Variants in VWDE observed in about 807,000 individuals in gnomAD.
The protein encoded by VWDE is von Willebrand factor D and EGF domain-containing protein.
A neutral mutation model predicts 178.4 loss-of-function variants in VWDE; 207 were observed. The ratio of observed to expected loss-of-function variants is 1.16; its 90% CI spans 1.04 to 1.30. The LOEUF (loss-of-function observed/expected upper bound fraction) is 1.30, where lower values mean the gene tolerates loss of function less well. Among genes scored for constraint, VWDE ranks in the 50% most tolerant of loss-of-function variants. The probability of loss-of-function intolerance (pLI) is 0.00; values close to 1 mark genes in which losing one functional copy is unlikely to be tolerated. For synonymous variants in VWDE, 738 were observed against 651.4 expected, an observed-to-expected ratio of 1.13 and a Z score of -2.02; for missense variants, 2,287 against 1,901.3, an observed-to-expected ratio of 1.20 and a Z score of -3.77.
In VWDE at chr7:12,337,081, T is replaced by C. The variant is rs1409246803; in HGVS notation, c.4465A>G (p.Ile1489Val). ...CCATTCATGCACGTAGGATCACAGA[T>C]GCCTTAAGGTAAAAGCATGAAAAGT... ...GYTGRRFQKS[I>V]CDPTCMNGGK... The change falls in exon 26 of 29, where the codon ATC (isoleucine) becomes GTC (valine). Residue 1489 changes from isoleucine (I) to valine (V), a missense_variant and splice_region_variant. By Grantham distance (29) the Ile-to-Val change is conservative. Coordinates refer to ENST00000275358, the MANE Select transcript of VWDE (RefSeq NM_001135924.3). 1.9e-6 allele frequency: 3 copies of C among 1,551,612 alleles called. No individual in the cohort carries two copies. The highest frequency in any genetic ancestry group is 2.6e-6 in the Non-Finnish European group (3 of 1,146,926).
In VWDE at chr7:12,331,027, T is replaced by G. The variant is rs773907412; in HGVS notation, c.*156A>C. 50 of 580,676 alleles carry G rather than the reference T, an allele frequency of 8.6e-5. No homozygotes were observed. In the South Asian group the frequency reaches 1.1e-3, roughly 13 times the overall value. 36.0% of individuals were successfully genotyped at this position (580,676 alleles called of 1,614,324 possible). A position where few individuals can be genotyped will look rare whatever the true frequency, so the allele number is the denominator to read the frequency against. On this transcript the variant is annotated 3_prime_UTR_variant, in exon 29 of 29. Transcript: ENST00000275358. ...TTTCTTCTTTGCTTTTCTCTATGAT[T>G]ACAACAGAGATCATTATGTATTTTA...
At chr7:12,356,457 TATAC>T in intron 17 of VWDE, 127 bp from the exon 18 acceptor site, 3 of 656,222 alleles carry the variant, frequency 4.6e-6, no homozygotes, top group Non-Finnish European at 7.3e-6. Flanking sequence ...ATTTGATATA[TATAC>T]ACACACACAC....
At chr7:12,356,435 C>A (rs1356238806) in intron 17 of VWDE, 105 bp from the exon 18 acceptor site, 23 of 790,948 alleles carry the variant, frequency 2.9e-5, no homozygotes, top group Non-Finnish European at 4.0e-5. Flanking sequence ...CAAGTATGAC[C>A]AAATCACTTA....
At chr7:12,378,188 A>T (rs557318406) in intron 6 of VWDE, among the ~76,000 whole-genome samples, 31 of 152,292 alleles carry the variant, frequency 2.0e-4, no homozygotes, top group African/African-American at 7.0e-4. Context: ...GCCTGCCTCA[A>T]TGATTCTGGT....
chr7:12,333,291 T>C (rs534068940), intron 28 of VWDE, among the ~76,000 whole-genome samples, 174 bp downstream of exon 28: 1 of 152,174 alleles, frequency 6.6e-6, no homozygotes, highest in Non-Finnish European at 1.5e-5. Context: ...CAAAATTTTA[T>C]ATAATAACTC....
At chr7:12,353,224 T>C (rs1445278010) in intron 18 of VWDE, among the ~76,000 whole-genome samples, 1 of 152,194 alleles carries the variant, frequency 6.6e-6, no homozygotes, top group East Asian at 1.9e-4. Flanking sequence ...GAGTTTTTGG[T>C]GAGGGCTCTC....
rs111747713 is a variant in VWDE at position 12,400,856 on chromosome 7, A to C, written c.58+2803T>G. The stretch of plus-strand genomic sequence containing the variant: ...CAGGAACATAAAGCATACATATAGA[A>C]AAATTATGACCAAGTGAGATTTATT... On this transcript the variant is annotated intron_variant, in intron 1 of 28. Transcript: ENST00000275358. 1.8e-3 allele frequency among the ~76,000 whole-genome samples: 267 copies of C among 152,308 alleles called. 1 individual carries two copies. Among genetic ancestry groups the C allele is most frequent in the African/African-American group, 6.1e-3 (253 of 41,582 alleles).
intron 1 of VWDE, among the ~76,000 whole-genome samples, chr7:12,403,185 A>G (rs971165121): frequency 4.6e-5 from 7 of 152,178 alleles, no homozygotes; most frequent in African/African-American, 1.7e-4. Context: ...GATATACAAA[A>G]CTTAACTTGG....
rs1416846841 is a variant in VWDE, at chr7:12,333,507, G to A, written c.4716C>T (p.Cys1572=). ...ATTTGACTCCAGAGTATTCAGTGCG[G>A]CAGGAACACACATTGGGAAATATGC... The part of the protein sequence containing the change: ...GRCIFPNVCS[C]RTEYSGVKCE... Residue 1572 remains cysteine, a synonymous_variant, in exon 28 of 29, where the codon TGC becomes TGT. Transcript: ENST00000275358. The A allele has an allele frequency of 1.3e-6, 2 of 1,550,794 alleles. No homozygotes were observed. The highest frequency in any genetic ancestry group is 2.4e-5 in the East Asian group (1 of 40,876).
At chr7:12,369,378 T>C (rs980520831) in intron 12 of VWDE, among the ~76,000 whole-genome samples, 167 bp downstream of exon 12, 50 of 152,268 alleles carry the variant, frequency 3.3e-4, no homozygotes, top group Non-Finnish European at 1.6e-4. Context: ...CCAAATAAGA[T>C]GAGATGCTGT....
intron 1 of VWDE, among the ~76,000 whole-genome samples, chr7:12,400,984 G>A (rs1784868036): frequency 6.6e-6 from 1 of 152,028 alleles, no homozygotes; most frequent in Non-Finnish European, 1.5e-5. Context: ...AACAGACACA[G>A]GGAAAGCATT....
At chr7:12,362,326 A>G (rs1164370869) in intron 13 of VWDE, among the ~76,000 whole-genome samples, 1 of 151,976 alleles carries the variant, frequency 6.6e-6, no homozygotes, top group Non-Finnish European at 1.5e-5. Context: ...CTACTTTCTT[A>G]TTCTTGATTC....
At chr7:12,340,471 G>A (rs1401113936) in intron 23 of VWDE, 54 bp from the exon 24 acceptor site, 2 of 1,371,506 alleles carry the variant, frequency 1.5e-6, no homozygotes, top group South Asian at 2.6e-5. Context: ...TTTAAAAAAT[G>A]AAAGCTGCAC....
intron 13 of VWDE, among the ~76,000 whole-genome samples, chr7:12,366,242 T>C (rs976333471): frequency 6.6e-6 from 1 of 152,152 alleles, no homozygotes; most frequent in African/African-American, 2.4e-5. Flanking sequence ...AATACAGTTC[T>C]GTATAGTGTG....
At chr7:12,344,335 T>C (rs1435820451) in intron 20 of VWDE, 39 bp downstream of exon 20, 3 of 1,549,980 alleles carry the variant, frequency 1.9e-6, no homozygotes, top group Non-Finnish European at 2.6e-6. Flanking sequence ...AATTACCAAA[T>C]ACAATTTATC....
intron 1 of VWDE, among the ~76,000 whole-genome samples, 199 bp downstream of exon 1, chr7:12,403,460 T>A (rs147473500): frequency 6.6e-6 from 1 of 151,948 alleles, no homozygotes. Flanking sequence ...AAAAGAAAAG[T>A]GTAGAGTTTT....
chr7:12,401,956 T>G (rs1784917232), intron 1 of VWDE, among the ~76,000 whole-genome samples: 1 of 152,224 alleles, frequency 6.6e-6, no homozygotes, highest in Admixed American at 6.5e-5. Flanking sequence ...AACATTATTC[T>G]ATCTTAAAAA....
At chr7:12,335,872 C>T (rs1413586634) in intron 27 of VWDE, among the ~76,000 whole-genome samples, 1 of 151,960 alleles carries the variant, frequency 6.6e-6, no homozygotes, top group East Asian at 1.9e-4. Context: ...CTTCTTTGGC[C>T]CACCTGGGGA....
intron 17 of VWDE, 38 bp downstream of exon 17, chr7:12,357,227 A>C: frequency 6.5e-7 from 1 of 1,535,502 alleles, no homozygotes; most frequent in Non-Finnish European, 8.8e-7. Flanking sequence ...TAAAATTGCA[A>C]AAGAATCCAG....
Sources: allele counts gnomAD v4.1 joint callset (sites outside exome capture counted in the v4.1 genomes callset), GRCh38; gene constraint gnomAD v4.1.1; transcripts MANE v1.5; gene names NCBI Gene and HGNC (gene_info 2026-07-23, HGNC 2026-07-21).